Variants in NTRK3 observed in about 807,000 individuals in gnomAD.
The protein encoded by NTRK3 is NT-3 growth factor receptor.
A neutral mutation model predicts 91.7 loss-of-function variants in NTRK3; 24 were observed. The observed-to-expected ratio is 0.26, with a 90% CI of 0.19 to 0.37. The LOEUF is 0.37. NTRK3 is among the 10% of genes least tolerant of loss of function. NTRK3 has a pLI of 1.00. For synonymous variants in NTRK3, 483 were observed against 404.0 expected, an observed-to-expected ratio of 1.20 and a Z score of -2.34; for missense variants, 880 against 1,068.9, an observed-to-expected ratio of 0.82 and a Z score of 2.46.
At chr15:88,026,509 C>T (rs911344016) in intron 14 of NTRK3, among the ~76,000 whole-genome samples, 12 of 152,036 alleles carry the variant, frequency 7.9e-5, no homozygotes, top group Admixed American at 3.3e-4. Context: ...TGGAGGACAG[C>T]GGACATTTTG....
At chr15:87,964,108 G>A (rs2072566326) in intron 14 of NTRK3, among the ~76,000 whole-genome samples, 1 of 152,122 alleles carries the variant, frequency 6.6e-6, no homozygotes, top group Non-Finnish European at 1.5e-5. Flanking sequence ...TGACACAGCT[G>A]CAGTTGTACA....
At chr15:88,178,132 G>A (rs528157823) in intron 5 of NTRK3, among the ~76,000 whole-genome samples, 2 of 152,316 alleles carry the variant, frequency 1.3e-5, no homozygotes, top group South Asian at 4.2e-4. Flanking sequence ...GGAGACCAGT[G>A]TGCCAGTTGC....
chr15:88,241,617 G>T lies in NTRK3; in HGVS notation c.248+14289C>A, dbSNP rs1250907055. On this transcript the variant is annotated intron_variant, in intron 3 of 18. Transcript: ENST00000394480. The surrounding 1 kb of genome is among the most constrained non-coding windows in gnomAD (Gnocchi z 4.3). ...ATGGGGCAGGTCAGCCGCTGGTTGG[G>T]CAGAATGCCAGCTGGGTGCTGGGAG... 1.2e-4 allele frequency among the ~76,000 whole-genome samples: 18 copies of T among 152,132 alleles called. No individual in the cohort carries two copies. Among genetic ancestry groups the T allele is most frequent in the Admixed American group, 1.2e-3 (18 of 15,282 alleles).
At chr15:87,871,712 C>G (rs1435779701) in exon 19 of NTRK3, 1 of 227,286 alleles carries the variant, frequency 4.4e-6, no homozygotes. Flanking sequence ...TTCTTATCCC[C>G]AAGAACGGTA....
At chr15:87,878,554 G>C (rs982221640) in intron 18 of NTRK3, among the ~76,000 whole-genome samples, 1 of 152,158 alleles carries the variant, frequency 6.6e-6, no homozygotes, top group African/African-American at 2.4e-5. Context: ...GATTCAGTTC[G>C]AACTACAGTA....
intron 3 of NTRK3, among the ~76,000 whole-genome samples, chr15:88,201,627 C>G (rs2048312933): frequency 6.6e-6 from 1 of 152,134 alleles, no homozygotes; most frequent in African/African-American, 2.4e-5. Flanking sequence ...CAATTCACGC[C>G]ATCTGGACAC....
exon 19 of NTRK3, chr15:87,863,496 G>A (rs1233494362): frequency 4.6e-6 from 1 of 217,874 alleles, no homozygotes; most frequent in Non-Finnish European, 9.2e-6. Context: ...GATTTCAGGT[G>A]ACAGGCCTCA....
At chr15:87,873,722 T>C (rs975742610) in exon 19 of NTRK3, 7 of 231,518 alleles carry the variant, frequency 3.0e-5, no homozygotes, top group African/African-American at 1.3e-4. Flanking sequence ...AATAAATAAA[T>C]GGACCGTCGA....
At chr15:87,975,412 T>C (rs1300686137) in intron 14 of NTRK3, among the ~76,000 whole-genome samples, 1 of 152,116 alleles carries the variant, frequency 6.6e-6, no homozygotes, top group African/African-American at 2.4e-5. Flanking sequence ...CAGCTGTCAA[T>C]CTGTGCAGCA....
chr15:88,186,233 C>A (rs1193625956), intron 3 of NTRK3, among the ~76,000 whole-genome samples: 1 of 152,168 alleles, frequency 6.6e-6, no homozygotes, highest in Non-Finnish European at 1.5e-5. Flanking sequence ...AACTTTTATC[C>A]AATTGTTTAA....
At chr15:87,930,592 C>T (rs2068709562) in intron 16 of NTRK3, among the ~76,000 whole-genome samples, 1 of 152,116 alleles carries the variant, frequency 6.6e-6, no homozygotes, top group Admixed American at 6.5e-5. Context: ...GCCTGCCTCT[C>T]AACACCACCA....
At chr15:87,881,602 G>C (rs1282117936) in intron 17 of NTRK3, among the ~76,000 whole-genome samples, 1 of 151,912 alleles carries the variant, frequency 6.6e-6, no homozygotes, top group Non-Finnish European at 1.5e-5. Context: ...TGTATTTTTA[G>C]TAGAGACGGG....
intron 17 of NTRK3, among the ~76,000 whole-genome samples, chr15:87,886,765 T>TA (rs200159140): frequency 0.024 from 3,398 of 142,564 alleles, 121 homozygotes; most frequent in African/African-American, 0.069. Flanking sequence ...TATATATATA[T>TA]TTCTATGCTG....
intron 17 of NTRK3, among the ~76,000 whole-genome samples, chr15:87,915,433 A>G (rs1347111029): frequency 6.6e-6 from 1 of 152,266 alleles, no homozygotes; most frequent in Non-Finnish European, 1.5e-5. Context: ...CATGGTCCAC[A>G]GTTACAAAAA....
chr15:88,086,956 T>C (rs1032746290), intron 13 of NTRK3, among the ~76,000 whole-genome samples: 1 of 152,214 alleles, frequency 6.6e-6, no homozygotes, highest in Non-Finnish European at 1.5e-5. Flanking sequence ...CCAGGCTCTG[T>C]GATTTGACAT....
chr15:88,214,223 G>A (rs894421352), intron 3 of NTRK3, among the ~76,000 whole-genome samples: 1 of 152,190 alleles, frequency 6.6e-6, no homozygotes, highest in Non-Finnish European at 1.5e-5. Context: ...AGTCCTGGAG[G>A]CTGGAAGTCA....
chr15:87,971,734 T>C (rs1193540773), intron 14 of NTRK3, among the ~76,000 whole-genome samples: 8 of 152,110 alleles, frequency 5.3e-5, no homozygotes, highest in African/African-American at 1.9e-4. Context: ...GAGAGGTAAA[T>C]ATTTCCCTAG....
At chr15:88,058,006 G>T (rs554389075) in intron 13 of NTRK3, among the ~76,000 whole-genome samples, 1 of 152,248 alleles carries the variant, frequency 6.6e-6, no homozygotes, top group African/African-American at 2.4e-5. Context: ...CCGAGCAGAT[G>T]CTCAGACCCC....
At chr15:88,150,246 C>T (rs1344480950) in intron 5 of NTRK3, among the ~76,000 whole-genome samples, 3 of 152,196 alleles carry the variant, frequency 2.0e-5, no homozygotes, top group East Asian at 3.9e-4. Flanking sequence ...GAGGAGCAGG[C>T]AGGGAGCCTG....
Sources: gnomAD v4.1 joint callset for allele counts (sites outside exome capture counted in the v4.1 genomes callset) on GRCh38, gnomAD v4.1.1 for gene constraint, Gnocchi (gnomAD v3.1) non-coding constraint, MANE v1.5 for transcripts, NCBI Gene and HGNC (gene_info 2026-07-23, HGNC 2026-07-21) for gene names.